The following DAB2IP variants were observed in gnomAD, a reference collection of about 807,000 sequenced individuals.
The protein encoded by DAB2IP is DAB2 interacting protein.
In DAB2IP, 28 loss-of-function variants were observed where a neutral mutation model predicts 107.2. The ratio of observed to expected loss-of-function variants is 0.26; its 90% CI spans 0.19 to 0.36. The LOEUF (loss-of-function observed/expected upper bound fraction) is 0.36, where lower values mean the gene tolerates loss of function less well. Ranked by LOEUF, DAB2IP falls within the 10% of genes least tolerant of loss-of-function variation. The pLI, the probability that DAB2IP is intolerant of heterozygous loss-of-function variation, is 1.00. For synonymous variants in DAB2IP, 755 were observed against 706.4 expected (o/e 1.07, Z -1.09); for missense variants, 1,400 against 1,644.7 (o/e 0.85, Z 2.57).
chr9:121,759,862 C>T, intron 5 of DAB2IP, 23 bp from the exon 6 acceptor site: 1 of 1,595,888 alleles, frequency 6.3e-7, no homozygotes, highest in Non-Finnish European at 8.6e-7. Context: ...AGCTGACCAC[C>T]CTGGACCCCC....
At position 121,698,021 on chromosome 9, in the gene DAB2IP, C is replaced by T. The variant is rs2118720990; in HGVS notation, c.229-1304C>T. On this transcript the variant is annotated intron_variant, in intron 2 of 15. Transcript: ENST00000408936. The surrounding 1 kb of genome is among the most constrained non-coding windows in gnomAD (Gnocchi z 4.1). Reference sequence around the variant, plus strand: ...ATGACTTGTACAGCCCATGTTTGACCTTGTCATGTTGAAGATGGACAGATA... The same window carrying T: ...ATGACTTGTACAGCCCATGTTTGACTTTGTCATGTTGAAGATGGACAGATA... 6.6e-6 allele frequency among the ~76,000 whole-genome samples: 1 copy of T among 152,306 alleles called. No homozygotes were observed. Among genetic ancestry groups the T allele is most frequent in the South Asian group, 2.1e-4 (1 of 4,832 alleles).
chr9:121,758,008 C>G (rs567450834), intron 4 of DAB2IP, among the ~76,000 whole-genome samples: 84 of 152,340 alleles, frequency 5.5e-4, no homozygotes, highest in Non-Finnish European at 1.1e-3. Context: ...CCACTGGGGA[C>G]CATTTCTGGT....
chr9:121,580,745 C>T (rs1395247885), intron 1 of DAB2IP, among the ~76,000 whole-genome samples: 1 of 152,152 alleles, frequency 6.6e-6, no homozygotes, highest in African/African-American at 2.4e-5. Context: ...CTGCCTCAGC[C>T]TCCTGAGTAG....
At chr9:121,649,493 C>G (rs562352393), upstream of DAB2IP, among the ~76,000 whole-genome samples, 1 of 102,748 alleles carries the variant, frequency 9.7e-6, no homozygotes, top group East Asian at 3.9e-4. Flanking sequence ...GTGAGCCTCC[C>G]GTCCCCTCCA....
At position 121,698,670 on chromosome 9, in the gene DAB2IP, C is replaced by A. The variant is rs937453037; in HGVS notation, c.229-655C>A. ...GCCCCACCCTGACATCAAGCTACTG[C>A]CGCTCTGGGAAGGAAAGTCGCCCGG... On this transcript the variant is annotated intron_variant, in intron 2 of 15. Transcript: ENST00000408936. This position sits in a 1 kb window ranked among gnomAD's most constrained non-coding sequence, Gnocchi z 4.1. Among the ~76,000 whole-genome samples the A allele has an allele frequency of 6.6e-6, 1 of 152,196 alleles. No individual in the cohort carries two copies. The highest frequency in any genetic ancestry group is 2.4e-5 in the African/African-American group (1 of 41,460).
At chr9:121,658,784 GA>G (rs1264169741) in intron 1 of DAB2IP, among the ~76,000 whole-genome samples, 1 of 152,208 alleles carries the variant, frequency 6.6e-6, no homozygotes, top group Non-Finnish European at 1.5e-5. Context: ...CACGCCCTTG[GA>G]AATGCGGCGG....
chr9:121,707,204 C>T (rs1830099344), intron 3 of DAB2IP, among the ~76,000 whole-genome samples: 2 of 152,274 alleles, frequency 1.3e-5, no homozygotes, highest in South Asian at 4.1e-4. Flanking sequence ...TTAGAGTTGG[C>T]CTGTGAATAA....
At chr9:121,767,695 C>T (rs1448822731) in intron 9 of DAB2IP, among the ~76,000 whole-genome samples, 1 of 152,162 alleles carries the variant, frequency 6.6e-6, no homozygotes, top group African/African-American at 2.4e-5. Flanking sequence ...GAAAAGCTCA[C>T]CCTGACAGCA....
At chr9:121,572,744 G>A (rs780030653) in intron 1 of DAB2IP, among the ~76,000 whole-genome samples, 17 of 152,164 alleles carry the variant, frequency 1.1e-4, no homozygotes, top group Non-Finnish European at 2.4e-4. Context: ...AACAGTGTGA[G>A]GCTGGACACC....
intron 3 of DAB2IP, among the ~76,000 whole-genome samples, chr9:121,729,415 G>A (rs924383353): frequency 6.6e-6 from 1 of 152,144 alleles, no homozygotes; most frequent in Non-Finnish European, 1.5e-5. Context: ...GGTGAGCCCA[G>A]GTCCCCTTAA....
At position 121,782,731 on chromosome 9, in the gene DAB2IP, G is replaced by A. The variant is rs1835753302; in HGVS notation, c.*233G>A. The A allele has an allele frequency of 7.2e-7, 1 of 1,383,804 alleles. No individual in the cohort carries two copies. Among genetic ancestry groups the A allele is most frequent in the South Asian group, 1.7e-5 (1 of 58,796 alleles). The allele number at this position is 1,383,804 out of a possible 1,614,324, so 85.7% of individuals were successfully genotyped here. ...CTGTGGGGTGCGGGCAGAAGAGACT[G>A]CACGCTGGGGAGTGGGGACAGCCTG... On this transcript the variant is annotated 3_prime_UTR_variant, in exon 16 of 16. Coordinates refer to ENST00000408936, the Ensembl canonical transcript of DAB2IP. This position sits in a 1 kb window ranked among gnomAD's most constrained non-coding sequence, Gnocchi z 6.1.
At chr9:121,654,278 AAGGG>A (rs1832884004) in intron 1 of DAB2IP, among the ~76,000 whole-genome samples, 1 of 151,644 alleles carries the variant, frequency 6.6e-6, no homozygotes, top group Non-Finnish European at 1.5e-5. Flanking sequence ...GTGGATTGGG[AAGGG>A]GGCTGGGTGA....
At chr9:121,695,177 C>T (rs1296798277) in intron 2 of DAB2IP, among the ~76,000 whole-genome samples, 3 of 152,082 alleles carry the variant, frequency 2.0e-5, no homozygotes, top group African/African-American at 7.2e-5. Context: ...AACTACCAAA[C>T]TGGATGACAT....
chr9:121,666,915 CAA>C (rs1491588142), intron 1 of DAB2IP, among the ~76,000 whole-genome samples: 10,286 of 131,718 alleles, frequency 0.078, 445 homozygotes, highest in Non-Finnish European at 0.099. Context: ...CACACACACA[CAA>C]CACTCTTAAA....
chr9:121,663,519 T>C (rs886467495), intron 1 of DAB2IP, among the ~76,000 whole-genome samples: 6 of 152,166 alleles, frequency 3.9e-5, no homozygotes, highest in Non-Finnish European at 7.3e-5. Context: ...GTTGTCCCCA[T>C]GTCCCTCTCC....
At chr9:121,686,624 G>A (rs1052540901) in intron 2 of DAB2IP, among the ~76,000 whole-genome samples, 2 of 152,152 alleles carry the variant, frequency 1.3e-5, no homozygotes, top group Non-Finnish European at 2.9e-5. Context: ...CCAACCCAGG[G>A]ATGAAGCAGG....
rs529677195 is a variant in DAB2IP at position 121,728,838 on chromosome 9, A to G, written c.363-28175A>G. The stretch of plus-strand genomic sequence containing the variant: ...TTGGGGAGGGGGGGACAGCCAGGGG[A>G]AGGGGTTATTTAAACACACTTCAAA... On this transcript the variant is annotated intron_variant, in intron 3 of 15. Transcript: ENST00000408936. Among the ~76,000 whole-genome samples the G allele has an allele frequency of 2.6e-5, 4 of 152,132 alleles. No homozygotes were observed. The South Asian group carries it at 8.3e-4, about 32-fold the overall frequency.
intron 10 of DAB2IP, among the ~76,000 whole-genome samples, chr9:121,769,945 A>G (rs1248102708): frequency 2.0e-5 from 3 of 152,122 alleles, no homozygotes; most frequent in African/African-American, 7.2e-5. Context: ...TCTCACAGAG[A>G]CCTCTGTGGA....
At chr9:121,586,467 C>G (rs1009986006) in intron 1 of DAB2IP, among the ~76,000 whole-genome samples, 31 of 152,146 alleles carry the variant, frequency 2.0e-4, no homozygotes, top group Admixed American at 1.6e-3. Flanking sequence ...GTTGGAGAGA[C>G]TGGGTCCAAA....
Sources: gnomAD v4.1 joint callset for allele counts (sites outside exome capture counted in the v4.1 genomes callset) on GRCh38, gnomAD v4.1.1 for gene constraint, Gnocchi (gnomAD v3.1) non-coding constraint, MANE v1.5 for transcripts, NCBI Gene and HGNC (gene_info 2026-07-23, HGNC 2026-07-21) for gene names.